Variants in ADGRL2 observed in about 807,000 individuals in gnomAD.
ADGRL2 encodes adhesion G protein-coupled receptor L2.
Under a neutral mutation model 157.4 loss-of-function variants are expected in ADGRL2, and 44 were observed. The ratio of observed to expected loss-of-function variants is 0.28; its 90% CI spans 0.22 to 0.36. ADGRL2 has a LOEUF of 0.36. ADGRL2 is among the 10% of genes least tolerant of loss of function. The pLI is 1.00. For missense variants in ADGRL2, 1,510 were observed against 1,768.9 expected, an observed-to-expected ratio of 0.85 and a Z score of 2.63; for synonymous variants, 585 against 624.7, an observed-to-expected ratio of 0.94 and a Z score of 0.95.
intron 3 of ADGRL2, among the ~76,000 whole-genome samples, chr1:81,634,501 T>C (rs1360525029): frequency 1.4e-5 from 2 of 143,582 alleles, no homozygotes; most frequent in Non-Finnish European, 3.0e-5. Context: ...TAGCTTTAAG[T>C]TAGCTATCTT....
At chr1:81,936,693 T>C (rs1161542305) in intron 3 of ADGRL2, 35 bp from the exon 4 acceptor site, 1 of 1,132,578 alleles carries the variant, frequency 8.8e-7, no homozygotes, top group African/African-American at 1.5e-5. Flanking sequence ...TCAAATAAAT[T>C]ATGTTACACA....
At chr1:81,604,895 G>A (rs955404136) in intron 3 of ADGRL2, among the ~76,000 whole-genome samples, 6 of 152,152 alleles carry the variant, frequency 3.9e-5, no homozygotes, top group Non-Finnish European at 7.3e-5. Context: ...GTATACAAAT[G>A]CACACCCACA....
intron 2 of ADGRL2, among the ~76,000 whole-genome samples, chr1:81,776,960 A>C (rs1571179391): frequency 6.6e-6 from 1 of 152,202 alleles, no homozygotes; most frequent in African/African-American, 2.4e-5. Flanking sequence ...AGTGTCTAGT[A>C]AATAATAAAT....
intron 1 of ADGRL2, among the ~76,000 whole-genome samples, chr1:81,363,520 C>T (rs923579458): frequency 6.6e-6 from 1 of 151,988 alleles, no homozygotes; most frequent in Non-Finnish European, 1.5e-5. Context: ...GAGTAGTCAC[C>T]AGAGAATTCA....
At chr1:81,883,784 G>T (rs415638) in intron 2 of ADGRL2, among the ~76,000 whole-genome samples, 1,539 of 150,416 alleles carry the variant, frequency 0.01, 32 homozygotes, top group African/African-American at 0.036. Context: ...TCTCTTTCTA[G>T]CACTCTATCT....
chr1:81,437,609 G>T (rs1398967734), intron 1 of ADGRL2, among the ~76,000 whole-genome samples: 1 of 152,034 alleles, frequency 6.6e-6, no homozygotes. Flanking sequence ...TTTGATAATT[G>T]CCCTCTCTAT....
intron 1 of ADGRL2, among the ~76,000 whole-genome samples, chr1:81,432,995 T>C (rs1011117464): frequency 5.3e-5 from 8 of 152,148 alleles, no homozygotes; most frequent in African/African-American, 1.9e-4. Context: ...TGGTACCCTG[T>C]AGTTATGTGT....
rs1480576287 is a variant in ADGRL2, at chr1:81,956,027, C to G, written c.1984C>G (p.Pro662Ala). ...TGTCCTAGCTGACAATCTTTTAGAA[C>G]CAACAAGGGTCTCAATGCCCACAGA... Reference protein sequence around the residue: ...AFVLADNLLEPTRVSMPTENI... With the variant: ...AFVLADNLLEATRVSMPTENI... The change falls in exon 11 of 24, where the codon CCA becomes GCA. Residue 662 changes from proline (P) to alanine (A), a missense_variant. This residue lies in a region of ADGRL2 where 325 missense variants were observed against 333.2 expected (regional missense o/e 0.98). Transcript: ENST00000686636. 3 of 1,605,922 alleles carry G rather than the reference C, an allele frequency of 1.9e-6. No individual in the cohort carries two copies. The South Asian group carries it at 3.4e-5, about 18-fold the overall frequency.
chr1:81,867,307 A>G (rs954613513), intron 2 of ADGRL2, among the ~76,000 whole-genome samples: 1 of 152,194 alleles, frequency 6.6e-6, no homozygotes, highest in African/African-American at 2.4e-5. Flanking sequence ...TGAACAAGGT[A>G]GCATTGTTAT....
chr1:81,317,150 C>T (rs903360967), intron 1 of ADGRL2, among the ~76,000 whole-genome samples: 3 of 152,076 alleles, frequency 2.0e-5, no homozygotes, highest in African/African-American at 7.2e-5. Flanking sequence ...GTAGAAGCTA[C>T]ATATGCTGCC....
At chr1:81,645,297 C>T (rs1311287158) in intron 3 of ADGRL2, among the ~76,000 whole-genome samples, 1 of 146,912 alleles carries the variant, frequency 6.8e-6, no homozygotes, top group Admixed American at 7.1e-5. Context: ...GAAGTGGAAG[C>T]AGGAGGATCA....
intron 2 of ADGRL2, among the ~76,000 whole-genome samples, chr1:81,457,213 A>G (rs1438396851): frequency 1.3e-5 from 2 of 152,104 alleles, no homozygotes; most frequent in African/African-American, 4.8e-5. Context: ...TCTTTCCCCT[A>G]CAATATAACA....
At chr1:81,412,275 A>G (rs1323476595) in intron 1 of ADGRL2, among the ~76,000 whole-genome samples, 1 of 152,184 alleles carries the variant, frequency 6.6e-6, no homozygotes, top group African/African-American at 2.4e-5. Flanking sequence ...TTGCCTCCAC[A>G]AGTCATTATT....
At chr1:81,772,819 A>G (rs1201700026) in intron 2 of ADGRL2, among the ~76,000 whole-genome samples, 1 of 152,206 alleles carries the variant, frequency 6.6e-6, no homozygotes, top group Admixed American at 6.5e-5. Flanking sequence ...ACATATGTTT[A>G]TAGCTATTAC....
chr1:81,965,106 T>G (rs1656656195), intron 11 of ADGRL2, among the ~76,000 whole-genome samples: 1 of 152,202 alleles, frequency 6.6e-6, no homozygotes, highest in South Asian at 2.1e-4. Flanking sequence ...TCTCAGTGTT[T>G]TGTATTGACG....
intron 2 of ADGRL2, among the ~76,000 whole-genome samples, chr1:81,534,253 C>G (rs752138271): frequency 6.6e-6 from 1 of 152,090 alleles, no homozygotes; most frequent in African/African-American, 2.4e-5. Context: ...CCTCCGCCTC[C>G]CAGGTTGAAG....
intron 3 of ADGRL2, among the ~76,000 whole-genome samples, chr1:81,602,500 G>A (rs1444895831): frequency 6.6e-6 from 1 of 152,100 alleles, no homozygotes; most frequent in Non-Finnish European, 1.5e-5. Flanking sequence ...GGCTGAGGCA[G>A]AGAATTGCTT....
intron 2 of ADGRL2, among the ~76,000 whole-genome samples, chr1:81,860,202 G>A (rs963429187): frequency 5.9e-5 from 9 of 152,084 alleles, no homozygotes; most frequent in African/African-American, 1.9e-4. Flanking sequence ...CCAGCCTGGC[G>A]ACAGAGTGAG....
At chr1:81,605,976 G>A (rs530228147) in intron 3 of ADGRL2, among the ~76,000 whole-genome samples, 1 of 152,122 alleles carries the variant, frequency 6.6e-6, no homozygotes, top group African/African-American at 2.4e-5. Context: ...CTTTATTAAT[G>A]GCCAATTGTA....
Sources: allele counts gnomAD v4.1 joint callset (sites outside exome capture counted in the v4.1 genomes callset), GRCh38; gene constraint gnomAD v4.1.1; regional missense constraint gnomAD v4.1.1; transcripts MANE v1.5; gene names NCBI Gene and HGNC (gene_info 2026-07-23, HGNC 2026-07-21).